The following MTHFSD variants were observed in gnomAD, a reference collection of about 807,000 sequenced individuals.
MTHFSD encodes methenyltetrahydrofolate synthetase domain containing.
A neutral mutation model predicts 31.1 loss-of-function variants in MTHFSD; 37 were observed. That is an observed-to-expected ratio of 1.19 (90% CI 0.91 to 1.56). MTHFSD has a LOEUF of 1.56. Among genes scored for constraint, MTHFSD ranks in the 40% most tolerant of loss-of-function variants. MTHFSD has a pLI of 0.00. For missense variants in MTHFSD, 664 were observed against 510.1 expected (o/e 1.30, Z -2.91); for synonymous variants, 221 against 206.9 (o/e 1.07, Z -0.59).
Position 86,548,452 on chromosome 16 carries a change from T to C in MTHFSD, c.351+12A>G, listed in dbSNP as rs1972649275. The C allele has an allele frequency of 6.2e-7, 1 of 1,606,152 alleles. No individual in the cohort carries two copies. Among genetic ancestry groups the C allele is most frequent in the African/African-American group, 1.3e-5 (1 of 74,892 alleles). ...TTCTTTCCTAGGTGGGGACATTGCT[T>C]CTGGTACTTACCTGAGAGGTGGCAC... On this transcript the variant is annotated intron_variant, in intron 4 of 7. Transcript: ENST00000360900.
chr16:86,555,085 C>T (rs1973899549), intron 1 of MTHFSD, 84 bp downstream of exon 1: 1 of 1,510,942 alleles, frequency 6.6e-7, no homozygotes, highest in Non-Finnish European at 8.8e-7. Context: ...CTCTGCCAGC[C>T]CCGGTGGCCC....
intron 4 of MTHFSD, chr16:86,548,012 T>A: frequency 7.8e-7 from 1 of 1,280,688 alleles, no homozygotes; most frequent in Non-Finnish European, 1.0e-6. Flanking sequence ...ATCTTAAATA[T>A]GTAATTATCA....
At chr16:86,549,283 A>C (rs1460129804) in intron 3 of MTHFSD, among the ~76,000 whole-genome samples, 1 of 152,266 alleles carries the variant, frequency 6.6e-6, no homozygotes, top group African/African-American at 2.4e-5. Context: ...CGAAAGTTTG[A>C]AAACCACTGG....
In MTHFSD at chr16:86,542,171, T is replaced by C. The variant is rs199610763; in HGVS notation, c.485A>G (p.Tyr162Cys). The change falls in exon 6 of 8, where the codon TAT (tyrosine) becomes TGT (cysteine). Residue 162 changes from tyrosine to cysteine, a missense_variant. By Grantham distance (194) the Tyr-to-Cys change is radical. Transcript: ENST00000360900. The surrounding 1 kb of genome is among the most constrained non-coding windows in gnomAD (Gnocchi z 4.6). ...GKGEGYADLE[Y>C]AMMVSMGAVS... is the part of the protein sequence containing the mutation. The stretch of plus-strand genomic sequence containing the variant: ...GGCGCCCATGGATACCATCATGGCA[T>C]ATTCCAGATCGGCGTAGCCTTCTCC... 5.4e-4 allele frequency: 879 copies of C among 1,613,926 alleles called. 3 individuals are homozygous for C. In the African/African-American group the frequency reaches 0.011, roughly 19 times the overall value.
intron 4 of MTHFSD, chr16:86,547,966 C>T (rs1972573795): frequency 1.8e-6 from 2 of 1,114,938 alleles, no homozygotes; most frequent in Non-Finnish European, 2.4e-6. Flanking sequence ...CATATTTGTA[C>T]ACTTGGTTTT....
At chr16:86,538,917 G>A (rs1971090755) in intron 7 of MTHFSD, among the ~76,000 whole-genome samples, 1 of 152,170 alleles carries the variant, frequency 6.6e-6, no homozygotes, top group South Asian at 2.1e-4. Flanking sequence ...GTCTGTGGGT[G>A]AGGCGATCGC....
At chr16:86,532,593 C>T in intron 7 of MTHFSD, 112 bp from the exon 8 acceptor site, 2 of 856,794 alleles carry the variant, frequency 2.3e-6, no homozygotes, top group South Asian at 2.7e-5. Flanking sequence ...GACTGGATGC[C>T]AAGTGGTCTG....
At chr16:86,540,118 G>A (rs987850629) in intron 7 of MTHFSD, among the ~76,000 whole-genome samples, 3 of 152,040 alleles carry the variant, frequency 2.0e-5, no homozygotes, top group African/African-American at 4.8e-5. Flanking sequence ...CATGGCTAGC[G>A]AGACTAAAAC....
chr16:86,544,190 T>C (rs932392898), intron 5 of MTHFSD, among the ~76,000 whole-genome samples: 5 of 152,102 alleles, frequency 3.3e-5, no homozygotes, highest in Admixed American at 1.3e-4. Flanking sequence ...CATGGAAAAA[T>C]TGTCTTCCAT....
At position 86,548,052 on chromosome 16, in the gene MTHFSD, A is replaced by G. The variant is rs1265260863; in HGVS notation, c.351+412T>C. The stretch of plus-strand genomic sequence containing the variant: ...TTACTCACTTAGAACTGGTGAGGCA[A>G]TTTCCAATGGAGCATGTTTTGGAAA... On this transcript the variant is annotated intron_variant, in intron 4 of 7. Coordinates refer to ENST00000360900, the MANE Select transcript of MTHFSD (RefSeq NM_001159377.2). The G allele has an allele frequency of 3.9e-6, 5 of 1,289,818 alleles. No individual in the cohort carries two copies. The African/African-American group carries it at 6.1e-5, about 16-fold the overall frequency. 79.9% of individuals were successfully genotyped at this position (1,289,818 alleles called of 1,614,324 possible).
Position 86,554,688 on chromosome 16 carries a change from G to C in MTHFSD, c.80C>G (p.Ala27Gly), listed in dbSNP as rs1332703597. The change falls in exon 2 of 8, where the codon GCT becomes GGT. Residue 27 changes from alanine to glycine, a missense_variant. Ala to Gly is a moderately conservative substitution (Grantham distance 60). Coordinates refer to ENST00000360900, the MANE Select transcript of MTHFSD (RefSeq NM_001159377.2). ...GTGATGAACAGGTCGGGGAAAGTCA[G>C]CTAAATTTTGTGATTCCATGTAGCC... ...IWGYMESQNL[A>G]DFPRPVHHRI... 1 of 1,614,216 alleles carries C rather than the reference G, an allele frequency of 6.2e-7. No individual in the cohort carries two copies. The highest frequency in any genetic ancestry group is 8.5e-7 in the Non-Finnish European group (1 of 1,180,034).
chr16:86,555,027 C>G (rs767163172), intron 1 of MTHFSD, 142 bp downstream of exon 1: 13 of 1,441,500 alleles, frequency 9.0e-6, no homozygotes, highest in Non-Finnish European at 1.1e-5. Context: ...GAACCCAGCA[C>G]AGACCCCCTC....
At chr16:86,538,721 G>C (rs576364683) in intron 7 of MTHFSD, among the ~76,000 whole-genome samples, 18 of 152,220 alleles carry the variant, frequency 1.2e-4, no homozygotes, top group Non-Finnish European at 1.8e-4. Context: ...ACTGCCCAGA[G>C]GTTCAGGACC....
chr16:86,552,212 G>A lies in MTHFSD; in HGVS notation c.124-66C>T, dbSNP rs375007704. ...CGAAGAAGCGAGCACTTTTCTGGGG[G>A]GCATCAGGATTTACTTTAATGGTCC... On this transcript the variant is annotated intron_variant, in intron 2 of 7. Coordinates refer to ENST00000360900, the MANE Select transcript of MTHFSD (RefSeq NM_001159377.2). 4 of 1,613,598 alleles carry A rather than the reference G, an allele frequency of 2.5e-6. No individual in the cohort carries two copies. In the African/African-American group the frequency reaches 5.3e-5, roughly 22 times the overall value.
chr16:86,552,064 G>A lies in MTHFSD; in HGVS notation c.206C>T (p.Pro69Leu). The A allele has an allele frequency of 6.2e-7, 1 of 1,614,178 alleles. No individual in the cohort carries two copies. The highest frequency in any genetic ancestry group is 8.5e-7 in the Non-Finnish European group (1 of 1,180,030). ...CACCAGCAGCCGAACGCCTTCCAGTGGTTTATCAGGGTCCACTTTAACTTC... is the reference window on the plus strand; with the variant it reads ...CACCAGCAGCCGAACGCCTTCCAGTAGTTTATCAGGGTCCACTTTAACTTC... ...TQEVKVDPDK[P>L]LEGVRLLVLQ... Residue 69 changes from proline to leucine, a missense_variant, in exon 3 of 8, where the codon CCA (proline) becomes CTA (leucine). Pro to Leu is a moderately conservative substitution (Grantham distance 98). Transcript: ENST00000360900.
intron 2 of MTHFSD, among the ~76,000 whole-genome samples, chr16:86,553,947 G>A (rs1022300077): frequency 6.6e-6 from 1 of 152,196 alleles, no homozygotes. Flanking sequence ...CTAATCTAGT[G>A]GGGAGGTGGA....
intron 3 of MTHFSD, among the ~76,000 whole-genome samples, chr16:86,550,689 C>T (rs770420662): frequency 4.6e-5 from 7 of 152,242 alleles, no homozygotes; most frequent in Non-Finnish European, 1.0e-4. Flanking sequence ...CAGTGACTGC[C>T]GACTGCCGTC....
chr16:86,548,061 G>T (rs919935785), intron 4 of MTHFSD: 3 of 1,290,374 alleles, frequency 2.3e-6, no homozygotes, highest in Non-Finnish European at 3.0e-6. Context: ...AATTTCCAAT[G>T]GAGCATGTTT....
chr16:86,554,507 T>G, intron 2 of MTHFSD, 138 bp downstream of exon 2: 2 of 703,548 alleles, frequency 2.8e-6, no homozygotes, highest in Non-Finnish European at 4.9e-6. Flanking sequence ...CCTGGCCAAA[T>G]GGCTTTGATT....
Sources: allele counts gnomAD v4.1 joint callset (sites outside exome capture counted in the v4.1 genomes callset), GRCh38; gene constraint gnomAD v4.1.1; non-coding constraint Gnocchi (gnomAD v3.1); transcripts MANE v1.5; gene names NCBI Gene and HGNC (gene_info 2026-07-23, HGNC 2026-07-21).